Variants in CCSER1 observed in about 807,000 individuals in gnomAD.
CCSER1 encodes the protein serine-rich coiled-coil domain-containing protein 1.
Under a neutral mutation model 82.0 loss-of-function variants are expected in CCSER1, and 41 were observed. The observed-to-expected ratio is 0.50, with a 90% CI of 0.39 to 0.65. CCSER1 has a LOEUF of 0.65. Ranked by LOEUF, CCSER1 falls within the 30% of genes least tolerant of loss-of-function variation. The pLI, the probability that CCSER1 is intolerant of heterozygous loss-of-function variation, is 0.00. For synonymous variants in CCSER1, 414 were observed against 383.9 expected (o/e 1.08, Z -0.92); for missense variants, 1,119 against 1,064.2 (o/e 1.05, Z -0.72).
At chr4:91,050,606 C>A (rs902391072) in intron 9 of CCSER1, among the ~76,000 whole-genome samples, 5 of 152,062 alleles carry the variant, frequency 3.3e-5, no homozygotes, top group African/African-American at 9.7e-5. Flanking sequence ...GGAACAAAGA[C>A]CCTGCTTAGC....
chr4:91,058,290 C>G (rs1281385356), intron 9 of CCSER1, among the ~76,000 whole-genome samples: 1 of 151,930 alleles, frequency 6.6e-6, no homozygotes, highest in Admixed American at 6.6e-5. Flanking sequence ...ATTACATACA[C>G]CATGGAATAC....
chr4:90,609,547 A>T (rs1168004765), intron 5 of CCSER1, among the ~76,000 whole-genome samples: 1 of 152,170 alleles, frequency 6.6e-6, no homozygotes, highest in Non-Finnish European at 1.5e-5. Context: ...CCAACCTTCA[A>T]ACTTCAGTGG....
intron 4 of CCSER1, among the ~76,000 whole-genome samples, chr4:90,421,793 CT>C (rs1452447546): frequency 6.6e-6 from 1 of 151,874 alleles, no homozygotes; most frequent in Non-Finnish European, 1.5e-5. Flanking sequence ...TTTAATGACT[CT>C]TAGGGGTTGA....
chr4:91,437,055 A>G (rs1371284860), intron 10 of CCSER1, among the ~76,000 whole-genome samples: 2 of 152,214 alleles, frequency 1.3e-5, no homozygotes, highest in Non-Finnish European at 2.9e-5. Context: ...ATGAATTATC[A>G]AAGCCCTGGA....
At chr4:90,786,675 C>A (rs1429178455) in intron 7 of CCSER1, among the ~76,000 whole-genome samples, 1 of 152,184 alleles carries the variant, frequency 6.6e-6, no homozygotes, top group Non-Finnish European at 1.5e-5. Context: ...TTCCTCTACT[C>A]TCATACCACA....
intron 9 of CCSER1, among the ~76,000 whole-genome samples, chr4:91,083,595 T>G (rs1723043048): frequency 6.6e-6 from 1 of 151,770 alleles, no homozygotes; most frequent in Admixed American, 6.6e-5. Context: ...AAAAAACTAT[T>G]ACAAATAAAA....
intron 6 of CCSER1, among the ~76,000 whole-genome samples, chr4:90,641,784 T>C (rs928631357): frequency 3.3e-5 from 5 of 152,320 alleles, no homozygotes; most frequent in Middle Eastern, 3.4e-3. Context: ...TAATATTTGA[T>C]TGCTTATAAG....
intron 4 of CCSER1, among the ~76,000 whole-genome samples, chr4:90,425,052 T>C (rs968266274): frequency 6.6e-6 from 1 of 152,186 alleles, no homozygotes; most frequent in African/African-American, 2.4e-5. Context: ...ATCCAGTTGG[T>C]CTTTTACGGC....
chr4:90,296,371 AG>A (rs1451591244), intron 1 of CCSER1, among the ~76,000 whole-genome samples: 4 of 151,332 alleles, frequency 2.6e-5, no homozygotes, highest in African/African-American at 9.7e-5. Context: ...AATTTGTTTG[AG>A]TTGTAGATTC....
chr4:90,914,659 G>A (rs1727006017), intron 8 of CCSER1, among the ~76,000 whole-genome samples: 1 of 142,690 alleles, frequency 7.0e-6, no homozygotes, highest in South Asian at 2.2e-4. Flanking sequence ...AGAATTGAAG[G>A]AAATAGAGAC....
At chr4:90,820,728 T>G (rs1448512443) in intron 8 of CCSER1, among the ~76,000 whole-genome samples, 2 of 148,978 alleles carry the variant, frequency 1.3e-5, no homozygotes, top group Admixed American at 1.4e-4. Flanking sequence ...TTTATATAAC[T>G]GTATTATATA....
At chr4:90,398,905 C>A (rs79850252) in intron 3 of CCSER1, among the ~76,000 whole-genome samples, 5,603 of 152,082 alleles carry the variant, frequency 0.037, 146 homozygotes, top group Non-Finnish European at 0.058. Context: ...GCCCCAGTGT[C>A]CTTACTTTTA....
intron 8 of CCSER1, among the ~76,000 whole-genome samples, chr4:90,885,355 A>G (rs900680348): frequency 6.6e-6 from 1 of 152,216 alleles, no homozygotes; most frequent in Admixed American, 6.5e-5. Context: ...AAGACTGTTG[A>G]AAAGATGATA....
chr4:90,698,120 A>G (rs1430965050), intron 6 of CCSER1, among the ~76,000 whole-genome samples: 6 of 152,146 alleles, frequency 3.9e-5, no homozygotes, highest in Non-Finnish European at 1.5e-5. Flanking sequence ...TGAAAGCTAG[A>G]AAGCTTTCAT....
chr4:90,797,430 C>CCAGCTT (rs1341773971), intron 7 of CCSER1, among the ~76,000 whole-genome samples: 1 of 152,126 alleles, frequency 6.6e-6, no homozygotes, highest in Non-Finnish European at 1.5e-5. Context: ...GATTCCTTAT[C>CCAGCTT]CAGCTTGCCA....
chr4:91,288,799 T>A (rs184131951), intron 10 of CCSER1, among the ~76,000 whole-genome samples: 315 of 152,024 alleles, frequency 2.1e-3, no homozygotes, highest in African/African-American at 7.4e-3. Context: ...TTGGGACAGA[T>A]ACAAAAATAC....
At chr4:90,341,880 T>C (rs1401862373) in intron 3 of CCSER1, among the ~76,000 whole-genome samples, 1 of 152,176 alleles carries the variant, frequency 6.6e-6, no homozygotes, top group African/African-American at 2.4e-5. Flanking sequence ...TATTTTGTTG[T>C]AGAATGTTTA....
intron 7 of CCSER1, among the ~76,000 whole-genome samples, chr4:90,805,755 A>C (rs775566619): frequency 3.3e-5 from 5 of 152,226 alleles, no homozygotes; most frequent in African/African-American, 1.2e-4. Flanking sequence ...TTATTAAATT[A>C]TATTTTTCCT....
intron 5 of CCSER1, among the ~76,000 whole-genome samples, chr4:90,474,771 G>A (rs1013488983): frequency 6.6e-6 from 1 of 152,136 alleles, no homozygotes; most frequent in Non-Finnish European, 1.5e-5. Context: ...ATTGGGAGTG[G>A]AGAAATGTGA....
Sources: gnomAD v4.1 joint callset for allele counts (sites outside exome capture counted in the v4.1 genomes callset) on GRCh38, gnomAD v4.1.1 for gene constraint, MANE v1.5 for transcripts, NCBI Gene and HGNC (gene_info 2026-07-23, HGNC 2026-07-21) for gene names.